Variants in JHY observed in about 807,000 individuals in gnomAD.
JHY encodes jhy protein homolog.
JHY carries 69 observed loss-of-function variants against 78.0 expected under a neutral mutation model. The observed-to-expected ratio is 0.88, with a 90% CI of 0.73 to 1.08. The LOEUF is 1.08. Ranked by LOEUF, JHY falls within the 50% of genes least tolerant of loss-of-function variation. The pLI is 0.00. For missense variants in JHY, 944 were observed against 927.8 expected, an observed-to-expected ratio of 1.02 and a Z score of -0.23; for synonymous variants, 368 against 342.6, an observed-to-expected ratio of 1.07 and a Z score of -0.82.
rs1233813036 is a variant in JHY, at chr11:122,960,775, A to G, written c.*1330A>G. On this transcript the variant is annotated 3_prime_UTR_variant, in exon 9 of 9. Transcript: ENST00000227349. ...CAGGCTTCCATCAAACAAATCCAGGATGCAATTGATTTGGAGAAGTCGCAG... is the reference window on the plus strand; with the variant it reads ...CAGGCTTCCATCAAACAAATCCAGGGTGCAATTGATTTGGAGAAGTCGCAG... 4.0e-6 allele frequency: 2 copies of G among 499,766 alleles called. No individual in the cohort carries two copies. The highest frequency in any genetic ancestry group is 7.9e-6 in the Non-Finnish European group (2 of 252,256). The allele number at this position is 499,766 out of a possible 1,614,324, so 31.0% of individuals were successfully genotyped here. A position where few individuals can be genotyped will look rare whatever the true frequency, so the allele number is the denominator to read the frequency against.
chr11:122,885,828 T>C lies in JHY; in HGVS notation c.-22T>C. 6.4e-7 allele frequency: 1 copy of C among 1,563,476 alleles called. No homozygotes were observed. The highest frequency in any genetic ancestry group is 8.8e-7 in the Non-Finnish European group (1 of 1,141,776). On this transcript the variant is annotated 5_prime_UTR_variant, in exon 2 of 9. Coordinates refer to ENST00000227349, the MANE Select transcript of JHY (RefSeq NM_024806.4). ...CTCCTATCAACACGAGTATCCCCTG[T>C]TAATTTTTTGCATTTTTCAAGATGA...
chr11:122,950,787 C>T (rs1239211119), intron 6 of JHY, among the ~76,000 whole-genome samples: 1 of 152,166 alleles, frequency 6.6e-6, no homozygotes, highest in East Asian at 1.9e-4. Context: ...ACTCCGACGA[C>T]AGTGTGTGTC....
In JHY at chr11:122,963,363, A is replaced by G. The variant is rs1319979453; in HGVS notation, c.*3918A>G. On this transcript the variant is annotated 3_prime_UTR_variant, in exon 9 of 9. Transcript: ENST00000227349. ...TACTATCCAGTACATAAGACTCTAG[A>G]ACATTAAAATTCTTTATATAGTGCC... Among the ~76,000 whole-genome samples the G allele has an allele frequency of 6.6e-6, 1 of 152,220 alleles. No individual in the cohort carries two copies. Among genetic ancestry groups the G allele is most frequent in the Admixed American group, 6.5e-5 (1 of 15,286 alleles).
rs766411655 is a variant in JHY, at chr11:122,886,142, A to T, written c.293A>T (p.Gln98Leu). 2 of 1,614,140 alleles carry T rather than the reference A, an allele frequency of 1.2e-6. No homozygotes were observed. Among genetic ancestry groups the T allele is most frequent in the Non-Finnish European group, 1.7e-6 (2 of 1,179,996 alleles). The part of the protein sequence containing the change: ...MEEEASGKAA[Q>L]MAREQNHHTW... Reference sequence around the variant, plus strand: ...GAGGAAGCAAGTGGAAAAGCAGCTCAGATGGCTCGCGAGCAAAACCACCAT... The same window carrying T: ...GAGGAAGCAAGTGGAAAAGCAGCTCTGATGGCTCGCGAGCAAAACCACCAT... Residue 98 changes from glutamine to leucine, a missense_variant, in exon 2 of 9, where the codon CAG (glutamine) becomes CTG (leucine). Physicochemically the swap from Gln to Leu is moderately radical, Grantham distance 113. Transcript: ENST00000227349.
intron 6 of JHY, among the ~76,000 whole-genome samples, chr11:122,950,012 T>G (rs1490568264): frequency 6.6e-6 from 1 of 152,046 alleles, no homozygotes; most frequent in Non-Finnish European, 1.5e-5. Context: ...TTTTGTATTT[T>G]TAGTAGAAAT....
intron 5 of JHY, among the ~76,000 whole-genome samples, chr11:122,945,025 C>T (rs909989633): frequency 1.3e-5 from 2 of 152,062 alleles, no homozygotes; most frequent in African/African-American, 4.8e-5. Context: ...TCATCTCTTT[C>T]ATAAATAATG....
intron 3 of JHY, among the ~76,000 whole-genome samples, chr11:122,924,233 A>G (rs532979306): frequency 1.3e-5 from 2 of 152,232 alleles, no homozygotes; most frequent in Non-Finnish European, 2.9e-5. Flanking sequence ...TCTGAGTACC[A>G]AAACTACTAA....
At chr11:122,914,398 GGATTCTTCA>G (rs1424450293) in intron 3 of JHY, among the ~76,000 whole-genome samples, 1 of 151,760 alleles carries the variant, frequency 6.6e-6, no homozygotes, top group African/African-American at 2.4e-5. Flanking sequence ...TCTTCTTATA[GGATTCTTCA>G]GATGGGTGGT....
chr11:122,909,550 C>T (rs1176909574), intron 3 of JHY, among the ~76,000 whole-genome samples: 3 of 152,118 alleles, frequency 2.0e-5, no homozygotes, highest in Non-Finnish European at 2.9e-5. Flanking sequence ...GAGGCCAAAG[C>T]GGGCAGATCA....
intron 4 of JHY, among the ~76,000 whole-genome samples, chr11:122,931,872 C>A (rs1185646149): frequency 6.6e-6 from 1 of 152,140 alleles, no homozygotes; most frequent in Non-Finnish European, 1.5e-5. Flanking sequence ...ACAGTATGAA[C>A]GAGCATTAAT....
intron 5 of JHY, among the ~76,000 whole-genome samples, chr11:122,944,429 C>T (rs768043233): frequency 6.6e-6 from 1 of 152,028 alleles, no homozygotes; most frequent in Non-Finnish European, 1.5e-5. Context: ...CTTAACTAGT[C>T]TAGCATTAAA....
In JHY at chr11:122,935,090, T is replaced by A; in HGVS notation, c.1634+15T>A. ...GAAATGTTATGGTAAGAATTCCCTT[T>A]TCTCAAGTGGTTTTCTAGAGGAGAA... On this transcript the variant is annotated intron_variant, in intron 5 of 8. Transcript: ENST00000227349. This position sits in a 1 kb window ranked among gnomAD's most constrained non-coding sequence, Gnocchi z 4.5. The A allele has an allele frequency of 6.5e-7, 1 of 1,543,986 alleles. No homozygotes were observed. The highest frequency in any genetic ancestry group is 1.3e-5 in the South Asian group (1 of 77,738).
rs1349520356 is a variant in JHY at position 122,910,191 on chromosome 11, GGGGCCAGGTGTGGT to G, written c.864+5750_864+5763del. On this transcript the variant is annotated intron_variant, in intron 3 of 8. Coordinates refer to ENST00000227349, the MANE Select transcript of JHY (RefSeq NM_024806.4). ...AGGTGCAGTATGTTAAAAGTGGAGA[GGGGCCAGGTGTGGT>G]GGCTCATGCCTGTAATCCCAGGACT... Among the ~76,000 whole-genome samples the G allele has an allele frequency of 1.2e-4, 18 of 152,000 alleles. No homozygotes were observed. In the East Asian group the frequency reaches 3.3e-3, roughly 28 times the overall value.
chr11:122,884,546 C>G (rs1395061679), intron 1 of JHY, among the ~76,000 whole-genome samples: 1 of 152,130 alleles, frequency 6.6e-6, no homozygotes, highest in Non-Finnish European at 1.5e-5. Context: ...CATGTCCGTT[C>G]GGTCCTACAT....
intron 3 of JHY, among the ~76,000 whole-genome samples, chr11:122,907,833 CAAA>C (rs71057309): frequency 4.8e-5 from 4 of 83,948 alleles, no homozygotes; most frequent in Admixed American, 1.4e-4. Context: ...AACTCTATCT[CAAA>C]AAAAAAAAAA....
chr11:122,948,706 C>G (rs1489141298), intron 6 of JHY, among the ~76,000 whole-genome samples: 1 of 152,144 alleles, frequency 6.6e-6, no homozygotes, highest in Admixed American at 6.5e-5. Flanking sequence ...TAAAGGAAAA[C>G]TGATATCCTG....
intron 4 of JHY, among the ~76,000 whole-genome samples, chr11:122,930,513 G>C (rs1339286138): frequency 6.6e-6 from 1 of 152,174 alleles, no homozygotes; most frequent in Non-Finnish European, 1.5e-5. Flanking sequence ...AAAGAGAGAA[G>C]ATATGCCTGA....
chr11:122,946,818 G>A (rs746147603), intron 6 of JHY, 26 bp downstream of exon 6: 19 of 1,581,280 alleles, frequency 1.2e-5, no homozygotes, highest in Non-Finnish European at 1.5e-5. Flanking sequence ...TTTTTACCAA[G>A]TAACTCTTCC....
intron 4 of JHY, among the ~76,000 whole-genome samples, chr11:122,925,617 C>G (rs1280795571): frequency 6.6e-6 from 1 of 152,168 alleles, no homozygotes; most frequent in Non-Finnish European, 1.5e-5. Flanking sequence ...CACAATGGCT[C>G]ACACCTGTAA....
Sources: gnomAD v4.1 joint callset for allele counts (sites outside exome capture counted in the v4.1 genomes callset) on GRCh38, gnomAD v4.1.1 for gene constraint, Gnocchi (gnomAD v3.1) non-coding constraint, MANE v1.5 for transcripts, NCBI Gene and HGNC (gene_info 2026-07-23, HGNC 2026-07-21) for gene names.